The following SNRPN variants were observed in gnomAD, a reference collection of about 807,000 sequenced individuals.
SNRPN encodes the protein small nuclear ribonucleoprotein-associated protein N.
In SNRPN, 7 loss-of-function variants were observed where a neutral mutation model predicts 25.2. That is an observed-to-expected ratio of 0.28 (90% CI 0.16 to 0.52). The LOEUF (loss-of-function observed/expected upper bound fraction) is 0.52. Ranked by LOEUF, SNRPN falls within the 20% of genes least tolerant of loss-of-function variation. The pLI is 0.96. For synonymous variants in SNRPN, 124 were observed against 110.6 expected, an observed-to-expected ratio of 1.12 and a Z score of -0.76; for missense variants, 196 against 322.5, an observed-to-expected ratio of 0.61 and a Z score of 3.00.
chr15:24,933,987 A>G (rs1202091316), intron 3 of SNRPN, among the ~76,000 whole-genome samples: 1 of 152,112 alleles, frequency 6.6e-6, no homozygotes, highest in Non-Finnish European at 1.5e-5. Context: ...TTGTGAGCTA[A>G]CAAAGTTTTT....
At chr15:24,836,086 C>A (rs1167262112) in intron 2 of SNRPN, among the ~76,000 whole-genome samples, 1 of 152,074 alleles carries the variant, frequency 6.6e-6, no homozygotes, top group Non-Finnish European at 1.5e-5. Context: ...AGGTTGTATT[C>A]TTTGTGACCT....
chr15:24,919,447 T>A (rs57651894), intron 2 of SNRPN, among the ~76,000 whole-genome samples: 13,828 of 130,766 alleles, frequency 0.11, 789 homozygotes, highest in East Asian at 0.16. Context: ...AAAAAAAAAA[T>A]ATTCAATTAT....
chr15:24,858,166 C>T (rs55872611), intron 1 of SNRPN, among the ~76,000 whole-genome samples: 23,042 of 151,966 alleles, frequency 0.15, 1,844 homozygotes, highest in East Asian at 0.3. Flanking sequence ...AATCCTAAAC[C>T]GTAATTTTTA....
chr15:24,881,705 G>A (rs1483503313), intron 1 of SNRPN, among the ~76,000 whole-genome samples: 2 of 151,536 alleles, frequency 1.3e-5, no homozygotes, highest in Non-Finnish European at 1.5e-5. Flanking sequence ...TTTAAAAATC[G>A]AAGAACCGTG....
chr15:24,879,196 C>T (rs750638009), intron 1 of SNRPN, among the ~76,000 whole-genome samples: 1 of 151,938 alleles, frequency 6.6e-6, no homozygotes, highest in Non-Finnish European at 1.5e-5. Context: ...GCACTTTGGG[C>T]GGCCGAGGCA....
chr15:24,941,764 T>C (rs2061569457), intron 3 of SNRPN, among the ~76,000 whole-genome samples: 1 of 151,920 alleles, frequency 6.6e-6, no homozygotes, highest in African/African-American at 2.4e-5. Context: ...GGCAGTTTTT[T>C]GTTTTTATTT....
intron 1 of SNRPN, among the ~76,000 whole-genome samples, chr15:24,878,142 G>C (rs1480757578): frequency 2.0e-5 from 3 of 152,200 alleles, no homozygotes; most frequent in Admixed American, 1.3e-4. Flanking sequence ...AAAATGAACG[G>C]GACTTCTTAG....
At chr15:24,837,520 C>G (rs1290754314) in intron 2 of SNRPN, among the ~76,000 whole-genome samples, 1 of 151,456 alleles carries the variant, frequency 6.6e-6, no homozygotes, top group Non-Finnish European at 1.5e-5. Context: ...AGGCGCCCAC[C>G]ACCATGCCTG....
Position 24,937,387 on chromosome 15 carries a change from A to C in SNRPN, c.-391+17263A>C, listed in dbSNP as rs77583826. Among the ~76,000 whole-genome samples, 725 of 152,274 alleles carry C rather than the reference A, an allele frequency of 4.8e-3. 9 individuals are homozygous for C. Among genetic ancestry groups the C allele is most frequent in the Non-Finnish European group, 4.6e-3 (312 of 68,028 alleles). On this transcript the variant is annotated intron_variant, in intron 3 of 11. Transcript: ENST00000400097. ...AAAACGAAAAAGCAAGACAAAAACA[A>C]AACAGGCATGGTGATGTGCACCTGT...
intron 3 of SNRPN, among the ~76,000 whole-genome samples, chr15:24,922,918 G>A (rs184508669): frequency 7.5e-4 from 2 of 2,684 alleles, no homozygotes; most frequent in African/African-American, 5.7e-3. Flanking sequence ...TTTTTTTTTG[G>A]GAAGACAGAG....
upstream of SNRPN, among the ~76,000 whole-genome samples, chr15:24,854,312 A>G (rs2053177206): frequency 1.3e-5 from 2 of 152,156 alleles, no homozygotes; most frequent in Non-Finnish European, 2.9e-5. Context: ...ACATACCAAA[A>G]CCATTTTTAA....
At chr15:24,943,840 G>A (rs545174774) in intron 3 of SNRPN, among the ~76,000 whole-genome samples, 1 of 151,064 alleles carries the variant, frequency 6.6e-6, no homozygotes, top group South Asian at 2.1e-4. Flanking sequence ...TTTATTTTTC[G>A]AGACAGGGTC....
intron 2 of SNRPN, among the ~76,000 whole-genome samples, chr15:24,837,691 A>C (rs148168928): frequency 1.0e-3 from 150 of 150,296 alleles, no homozygotes; most frequent in Non-Finnish European, 1.6e-3. Context: ...GATTTAAAGA[A>C]AGAAAGATTA....
intron 3 of SNRPN, among the ~76,000 whole-genome samples, chr15:24,922,517 G>A (rs2060090580): frequency 6.6e-6 from 1 of 152,150 alleles, no homozygotes. Flanking sequence ...CAAAACTCGT[G>A]GGTATCCCTT....
intron 1 of SNRPN, among the ~76,000 whole-genome samples, chr15:24,828,141 T>A (rs4474655): frequency 2.0e-5 from 3 of 151,986 alleles, no homozygotes; most frequent in Non-Finnish European, 2.9e-5. Context: ...AATGAAATTA[T>A]AAAAGTCTTA....
chr15:24,923,199 C>A (rs146029727), intron 3 of SNRPN, among the ~76,000 whole-genome samples: 1 of 152,108 alleles, frequency 6.6e-6, no homozygotes, highest in Non-Finnish European at 1.5e-5. Context: ...AGACACCATG[C>A]GCGGCTGCAG....
In SNRPN at chr15:24,862,097, C is replaced by G. The variant is rs113563311; in HGVS notation, c.-579+5381C>G. Among the ~76,000 whole-genome samples, 490 of 149,500 alleles carry G rather than the reference C, an allele frequency of 3.3e-3. 4 individuals carry two copies. Among genetic ancestry groups the G allele is most frequent in the Middle Eastern group, 0.01 (3 of 292 alleles). ...CAGCGGGTTGCAGCGCAAGTTCATG[C>G]AAACAATGAAAAGCATGTCATGGCT... On this transcript the variant is annotated intron_variant, in intron 1 of 11. Coordinates refer to the SNRPN transcript ENST00000400097.
intron 1 of SNRPN, among the ~76,000 whole-genome samples, chr15:24,861,056 C>A (rs111689812): frequency 0.016 from 2,439 of 152,260 alleles, 37 homozygotes; most frequent in Non-Finnish European, 0.025. Flanking sequence ...TTGCATTGAG[C>A]TGAGATTGTG....
chr15:24,841,167 A>T (rs1595401096), intron 2 of SNRPN, among the ~76,000 whole-genome samples: 1 of 152,182 alleles, frequency 6.6e-6, no homozygotes, highest in South Asian at 2.1e-4. Context: ...TGTAACAAGT[A>T]AATCCAGAAT....
Sources: gnomAD v4.1 joint callset for allele counts (sites outside exome capture counted in the v4.1 genomes callset) on GRCh38, gnomAD v4.1.1 for gene constraint, MANE v1.5 for transcripts, NCBI Gene and HGNC (gene_info 2026-07-23, HGNC 2026-07-21) for gene names.